The following LYPD8 variants were observed in gnomAD, a reference collection of about 807,000 sequenced individuals.
LYPD8 encodes the protein ly6/PLAUR domain-containing protein 8.
In LYPD8, 8 loss-of-function variants were observed where a neutral mutation model predicts 1.7. The observed-to-expected ratio is 4.58, with a 90% confidence interval of 2.69 to 8.27. LYPD8 has a LOEUF of 8.27. LYPD8 is among the 30% of genes most tolerant of loss of function. LYPD8 has a pLI of 0.00. For synonymous variants in LYPD8, 50 were observed against 43.6 expected (o/e 1.15, Z -0.58); for missense variants, 112 against 102.3 (o/e 1.09, Z -0.41).
intron 2 of LYPD8, among the ~76,000 whole-genome samples, chr1:248,752,232 ACTTC>A (rs2103172027): frequency 6.6e-6 from 1 of 152,108 alleles, no homozygotes; most frequent in African/African-American, 2.4e-5. Context: ...GGCACAGAAC[ACTTC>A]CATCATTGCG....
chr1:248,752,245 C>T (rs1420466841), intron 2 of LYPD8, among the ~76,000 whole-genome samples: 3 of 151,970 alleles, frequency 2.0e-5, no homozygotes, highest in Non-Finnish European at 4.4e-5. Flanking sequence ...TCCATCATTG[C>T]GGAGAGTCCC....
intron 2 of LYPD8, among the ~76,000 whole-genome samples, chr1:248,752,836 ACC>A (rs1662834325): frequency 1.1e-5 from 1 of 91,992 alleles, no homozygotes; most frequent in African/African-American, 5.0e-5. Flanking sequence ...CACACACCAC[ACC>A]CCACACACAC....
At position 248,739,503 on chromosome 1, in the gene LYPD8, G is replaced by A. The variant is rs1203602212; in HGVS notation, c.*108C>T. On this transcript the variant is annotated 3_prime_UTR_variant, in exon 7 of 7. Transcript: ENST00000590317. The surrounding 1 kb of genome is among the most constrained non-coding windows in gnomAD (Gnocchi z 4.3). ...GAGACCTGTGACTCCCACTTACTGG[G>A]CAGTTAAACGGGGCAGAGCAGGGAA... The A allele has an allele frequency of 4.2e-6, 6 of 1,443,114 alleles. No homozygotes were observed. In the African/African-American group the frequency reaches 8.5e-5, roughly 21 times the overall value. 89.4% of individuals were successfully genotyped at this position (1,443,114 alleles called of 1,614,324 possible).
At position 248,739,538 on chromosome 1, in the gene LYPD8, C is replaced by T; in HGVS notation, c.*73G>A. 6.5e-7 allele frequency: 1 copy of T among 1,539,094 alleles called. No individual in the cohort carries two copies. Among genetic ancestry groups the T allele is most frequent in the Non-Finnish European group, 8.8e-7 (1 of 1,140,068 alleles). On this transcript the variant is annotated 3_prime_UTR_variant, in exon 7 of 7. Coordinates refer to ENST00000590317, the MANE Select transcript of LYPD8 (RefSeq NM_001085474.2). This position sits in a 1 kb window ranked among gnomAD's most constrained non-coding sequence, Gnocchi z 4.3. ...GGGGCAGAGCAGGGAAAGAGGGTGTCAGCACCGCAGGGGGTGCTCTGGACC... is the reference window on the plus strand; with the variant it reads ...GGGGCAGAGCAGGGAAAGAGGGTGTTAGCACCGCAGGGGGTGCTCTGGACC...
chr1:248,749,979 T>C (rs1662770084), intron 4 of LYPD8, among the ~76,000 whole-genome samples: 1 of 151,360 alleles, frequency 6.6e-6, no homozygotes, highest in African/African-American at 2.4e-5. Flanking sequence ...TGACACAGGG[T>C]AGTGGTTACA....
chr1:248,754,372 C>T (rs975931306), intron 2 of LYPD8, among the ~76,000 whole-genome samples: 1 of 151,492 alleles, frequency 6.6e-6, no homozygotes, highest in African/African-American at 2.4e-5. Context: ...ACACACACGA[C>T]ACATCACATG....
At chr1:248,752,610 CACACAT>C (rs1662819202) in intron 2 of LYPD8, among the ~76,000 whole-genome samples, 2,708 of 138,224 alleles carry the variant, frequency 0.02, 76 homozygotes, top group Non-Finnish European at 0.033. Flanking sequence ...ACACACCCCA[CACACAT>C]CACACACACA....
intron 4 of LYPD8, among the ~76,000 whole-genome samples, chr1:248,749,556 G>A (rs1662762630): frequency 1.3e-5 from 2 of 152,286 alleles, no homozygotes; most frequent in South Asian, 4.1e-4. Flanking sequence ...CACGGCAGAA[G>A]GGCAAGAGAG....
chr1:248,741,900 C>T (rs536691088), intron 6 of LYPD8, among the ~76,000 whole-genome samples: 1 of 152,240 alleles, frequency 6.6e-6, no homozygotes, highest in East Asian at 1.9e-4. Context: ...GTGGAAAAGG[C>T]AAAACTCTGG....
chr1:248,740,129 A>G (rs1158073572), intron 6 of LYPD8, among the ~76,000 whole-genome samples: 1 of 152,200 alleles, frequency 6.6e-6, no homozygotes, highest in Non-Finnish European at 1.5e-5. Flanking sequence ...CAGGCTAAAC[A>G]GTGAAGGTCA....
At chr1:248,749,773 T>C (rs920846278) in intron 4 of LYPD8, among the ~76,000 whole-genome samples, 3 of 152,158 alleles carry the variant, frequency 2.0e-5, no homozygotes, top group Admixed American at 2.0e-4. Flanking sequence ...AATATGATAG[T>C]TATGTAAAAA....
chr1:248,742,531 G>T (rs1286890420), intron 6 of LYPD8, among the ~76,000 whole-genome samples: 1 of 79,570 alleles, frequency 1.3e-5, no homozygotes, highest in Admixed American at 1.2e-4. Context: ...TGTTGGCAGC[G>T]GGGAGATTAT....
At chr1:248,752,751 C>A (rs1206523534) in intron 2 of LYPD8, among the ~76,000 whole-genome samples, 14 of 126,006 alleles carry the variant, frequency 1.1e-4, no homozygotes, top group South Asian at 5.6e-4. Flanking sequence ...CACCACACAC[C>A]CCACACACAC....
At chr1:248,753,184 ACACAC>A (rs1237055231) in intron 2 of LYPD8, among the ~76,000 whole-genome samples, 4,487 of 98,092 alleles carry the variant, frequency 0.046, 333 homozygotes, top group East Asian at 0.12. Flanking sequence ...CATCACACAC[ACACAC>A]CACATCACAC....
chr1:248,754,841 C>T (rs1662897631), intron 2 of LYPD8, among the ~76,000 whole-genome samples: 1 of 151,974 alleles, frequency 6.6e-6, no homozygotes, highest in African/African-American at 2.4e-5. Flanking sequence ...CCGGTGCACC[C>T]CTACATGCCC....
intron 5 of LYPD8, 144 bp from the exon 6 acceptor site, chr1:248,745,423 A>ACCATGTCT: frequency 2.5e-6 from 1 of 393,778 alleles, no homozygotes; most frequent in Non-Finnish European, 4.5e-6. Context: ...CCTTGAAAAC[A>ACCATGTCT]CCATGTCTCC....
chr1:248,750,800 A>T (rs1662787954), intron 3 of LYPD8, among the ~76,000 whole-genome samples, 157 bp from the exon 4 acceptor site: 8 of 152,268 alleles, frequency 5.3e-5, no homozygotes. Context: ...CTGTAAGATG[A>T]GCCACCCTAA....
At chr1:248,749,640 A>G (rs1662763847) in intron 4 of LYPD8, among the ~76,000 whole-genome samples, 1 of 152,212 alleles carries the variant, frequency 6.6e-6, no homozygotes, top group Admixed American at 6.5e-5. Flanking sequence ...TCATGACATC[A>G]ATGCATTCAC....
At chr1:248,746,606 C>T (rs1662731254) in intron 5 of LYPD8, among the ~76,000 whole-genome samples, 1 of 147,838 alleles carries the variant, frequency 6.8e-6, no homozygotes, top group Non-Finnish European at 1.5e-5. Flanking sequence ...CAGCACCCAC[C>T]CAGGGCATCC....
Sources: allele counts gnomAD v4.1 joint callset (sites outside exome capture counted in the v4.1 genomes callset), GRCh38; gene constraint gnomAD v4.1.1; non-coding constraint Gnocchi (gnomAD v3.1); transcripts MANE v1.5; gene names NCBI Gene and HGNC (gene_info 2026-07-23, HGNC 2026-07-21).